Variants in AHSA1 observed in about 807,000 individuals in gnomAD.
The protein encoded by AHSA1 is activator of 90 kDa heat shock protein ATPase homolog 1.
A neutral mutation model predicts 46.1 loss-of-function variants in AHSA1; 14 were observed. The observed-to-expected ratio is 0.30, with a 90% confidence interval of 0.20 to 0.47. AHSA1 has a LOEUF of 0.47. Ranked by LOEUF, AHSA1 falls within the 20% of genes least tolerant of loss-of-function variation. The pLI, the probability that AHSA1 is intolerant of heterozygous loss-of-function variation, is 0.99. For missense variants in AHSA1, 333 were observed against 415.9 expected, an observed-to-expected ratio of 0.80 and a Z score of 1.73; for synonymous variants, 147 against 145.8, an observed-to-expected ratio of 1.01 and a Z score of -0.06.
intron 6 of AHSA1, 138 bp from the exon 7 acceptor site, chr14:77,467,945 C>T: frequency 1.6e-6 from 1 of 611,522 alleles, no homozygotes; most frequent in South Asian, 2.2e-5. Flanking sequence ...AGAGGGACAC[C>T]CTGGACCCGC....
Position 77,469,350 on chromosome 14 carries a change from T to G in AHSA1, c.*101T>G. On this transcript the variant is annotated 3_prime_UTR_variant, in exon 9 of 9. Transcript: ENST00000216479. ...GATTGCATCGTCCCAGCTGCTAACT[T>G]GGGGCCGGGGCCCCTCCCTTCCACA... is the stretch of plus-strand genomic sequence containing the variant. The G allele has an allele frequency of 1.4e-6, 2 of 1,480,290 alleles. No homozygotes were observed. Among genetic ancestry groups the G allele is most frequent in the South Asian group, 2.7e-5 (2 of 75,358 alleles). The allele number at this position is 1,480,290 out of a possible 1,614,324, so 91.7% of individuals were successfully genotyped here.
intron 7 of AHSA1, 42 bp from the exon 8 acceptor site, chr14:77,468,415 A>T (rs4903584): frequency 6.4e-7 from 1 of 1,560,526 alleles, no homozygotes; most frequent in Non-Finnish European, 8.8e-7. Context: ...GATTGGGTAC[A>T]TTGTAGTATA....
At chr14:77,464,206 G>A (rs969439532) in intron 4 of AHSA1, among the ~76,000 whole-genome samples, 14 of 152,128 alleles carry the variant, frequency 9.2e-5, no homozygotes, top group African/African-American at 2.9e-4. Context: ...GTGAAACCCC[G>A]TCTCTACTAA....
chr14:77,459,016 T>C (rs1027862851), intron 1 of AHSA1, among the ~76,000 whole-genome samples: 3 of 152,240 alleles, frequency 2.0e-5, no homozygotes, highest in African/African-American at 7.2e-5. Context: ...GGAAGGCAGA[T>C]AGTGATGTTT....
Position 77,468,049 on chromosome 14 carries a change from C to CTTTTTTTTTTTTTTT in AHSA1, c.691-33_691-32insTTTTTTTTTTTTTTT, listed in dbSNP as rs150175578. 9 of 723,822 alleles carry CTTTTTTTTTTTTTTT rather than the reference C, an allele frequency of 1.2e-5. 3 individuals carry two copies. The highest frequency in any genetic ancestry group is 7.5e-5 in the Admixed American group (2 of 26,650). The allele number at this position is 723,822 out of a possible 1,614,324, so 44.8% of individuals were successfully genotyped here. ...CCACTGAAAGCCATGTATCTTCTGC[C>CTTTTTTTTTTTTTTT]TCTTTTTTTTTTTTTTTTTTTTTTT... On this transcript the variant is annotated intron_variant, in intron 6 of 8. Coordinates refer to ENST00000216479, the MANE Select transcript of AHSA1 (RefSeq NM_012111.3).
At chr14:77,459,572 C>G in intron 1 of AHSA1, 44 bp from the exon 2 acceptor site, 1 of 1,599,540 alleles carries the variant, frequency 6.3e-7, no homozygotes, top group Non-Finnish European at 8.6e-7. Context: ...AGCAGCGTAT[C>G]CTCCGTTTGA....
In AHSA1 at chr14:77,465,513, G is replaced by T; in HGVS notation, c.562-26G>T. The T allele has an allele frequency of 1.9e-6, 3 of 1,611,628 alleles. No individual in the cohort carries two copies. In the South Asian group the frequency reaches 3.3e-5, roughly 18 times the overall value. On this transcript the variant is annotated intron_variant, in intron 5 of 8. Transcript: ENST00000216479. ...TGAGGTTGTATCATTACTCTGTATTGATCATTTTCACTGCCACCTTCACAG... is the reference window on the plus strand; with the variant it reads ...TGAGGTTGTATCATTACTCTGTATTTATCATTTTCACTGCCACCTTCACAG...
chr14:77,468,931 C>A (rs1260962013), intron 8 of AHSA1, 146 bp from the exon 9 acceptor site: 2 of 866,124 alleles, frequency 2.3e-6, no homozygotes, highest in Non-Finnish European at 1.8e-6. Flanking sequence ...TGGTCTGGAA[C>A]TCCTGACCTC....
intron 2 of AHSA1, among the ~76,000 whole-genome samples, chr14:77,460,633 T>G (rs1754391812): frequency 6.6e-6 from 1 of 151,304 alleles, no homozygotes; most frequent in Admixed American, 6.6e-5. Context: ...TGGCACGATC[T>G]TGGCTCACTG....
rs1214325287 is a variant in AHSA1, at chr14:77,461,514, AGCAAGACTCTGTCTTGCG to A, written c.272-644_272-627del. Among the ~76,000 whole-genome samples the A allele has an allele frequency of 3.9e-5, 6 of 152,222 alleles. 1 individual carries two copies. Among genetic ancestry groups the A allele is most frequent in the African/African-American group, 1.4e-4 (6 of 41,558 alleles). On this transcript the variant is annotated intron_variant, in intron 2 of 8. Transcript: ENST00000216479. Reference sequence around the variant, plus strand: ...CACTGCAATCCAGCCTGAGCGACAGAGCAAGACTCTGTCTTGCGGGGGGAAAAGGTGGGCATCAGAAGG... The same window carrying A: ...CACTGCAATCCAGCCTGAGCGACAGAGGGGGAAAAGGTGGGCATCAGAAGG...
intron 5 of AHSA1, 47 bp from the exon 6 acceptor site, chr14:77,465,492 G>A: frequency 1.3e-6 from 2 of 1,597,836 alleles, no homozygotes; most frequent in Non-Finnish European, 1.7e-6. Context: ...GTTGATTGAG[G>A]TTGTATCATT....
intron 4 of AHSA1, 172 bp downstream of exon 4, chr14:77,462,931 T>C (rs1207893836): frequency 7.4e-5 from 43 of 578,116 alleles, no homozygotes; most frequent in African/African-American, 1.3e-4. Flanking sequence ...GATCTGGAGC[T>C]GTGTTGCCTA....
At chr14:77,467,981 G>A in intron 6 of AHSA1, 102 bp from the exon 7 acceptor site, 2 of 780,632 alleles carry the variant, frequency 2.6e-6, no homozygotes, top group South Asian at 3.9e-5. Flanking sequence ...GTGGAAATGA[G>A]AGTTGAGGCA....
At chr14:77,468,341 G>T in intron 7 of AHSA1, 116 bp from the exon 8 acceptor site, 1 of 1,210,790 alleles carries the variant, frequency 8.3e-7, no homozygotes, top group Non-Finnish European at 1.2e-6. Flanking sequence ...GAACTGTCTT[G>T]CAAGTAATAT....
rs953829744 is a variant in AHSA1, at chr14:77,464,827, G to A, written c.561+141G>A. On this transcript the variant is annotated intron_variant, in intron 5 of 8. Coordinates refer to ENST00000216479, the MANE Select transcript of AHSA1 (RefSeq NM_012111.3). ...TCTGCTCATGGTGCTTTTTCAGAGC[G>A]CCTGCAATATGCATTCATTCACCCA... 5.2e-5 allele frequency: 35 copies of A among 678,554 alleles called. No homozygotes were observed. In the East Asian group the frequency reaches 5.6e-4, roughly 11 times the overall value. 42.0% of individuals were successfully genotyped at this position (678,554 alleles called of 1,614,324 possible). A position where few individuals can be genotyped will look rare whatever the true frequency, so the allele number is the denominator to read the frequency against.
In AHSA1 at chr14:77,469,433, T is replaced by C. The variant is rs2079064106; in HGVS notation, c.*184T>C. On this transcript the variant is annotated 3_prime_UTR_variant, in exon 9 of 9. Transcript: ENST00000216479. ...GTGGGTTCAGAGGGCAATTTCTCTT[T>C]TATGTGTACATATGCTAAATAAACA... 1.2e-5 allele frequency: 7 copies of C among 602,866 alleles called. No homozygotes were observed. Among genetic ancestry groups the C allele is most frequent in the East Asian group, 8.8e-5 (3 of 34,064 alleles). The allele number at this position is 602,866 out of a possible 1,614,324, so 37.3% of individuals were successfully genotyped here.
At chr14:77,457,956 G>C (rs1259799950), upstream of AHSA1, 1 of 529,100 alleles carries the variant, frequency 1.9e-6, no homozygotes, top group Non-Finnish European at 3.3e-6. Flanking sequence ...GGAGTCTGAA[G>C]GATCTCTAAA....
chr14:77,458,372 C>T, intron 1 of AHSA1, 103 bp downstream of exon 1: 1 of 1,258,832 alleles, frequency 7.9e-7, no homozygotes, highest in South Asian at 1.4e-5. Context: ...CTGAGGTAGC[C>T]CTGTCCGGAG....
intron 5 of AHSA1, 31 bp downstream of exon 5, chr14:77,464,717 C>T: frequency 6.3e-7 from 1 of 1,592,180 alleles, no homozygotes; most frequent in East Asian, 2.2e-5. Context: ...GGGAGACTGT[C>T]TGCAAAGGAA....
Sources: allele counts gnomAD v4.1 joint callset (sites outside exome capture counted in the v4.1 genomes callset), GRCh38; gene constraint gnomAD v4.1.1; transcripts MANE v1.5; gene names NCBI Gene and HGNC (gene_info 2026-07-23, HGNC 2026-07-21).